Variants in TRPM4 observed in about 807,000 individuals in gnomAD.
TRPM4 encodes the protein transient receptor potential cation channel subfamily M member 4.
Under a neutral mutation model 135.6 loss-of-function variants are expected in TRPM4, and 124 were observed. That is an observed-to-expected ratio of 0.91 (90% CI 0.79 to 1.06). The LOEUF (loss-of-function observed/expected upper bound fraction) is 1.06, where lower values mean the gene tolerates loss of function less well. Ranked by LOEUF, TRPM4 falls within the 50% of genes least tolerant of loss-of-function variation. TRPM4 has a pLI of 0.00. For missense variants in TRPM4, 1,658 were observed against 1,671.4 expected, an observed-to-expected ratio of 0.99 and a Z score of 0.14; for synonymous variants, 745 against 705.6, an observed-to-expected ratio of 1.06 and a Z score of -0.88.
Position 49,211,736 on chromosome 19 carries a change from AT to A in TRPM4, c.*239del, listed in dbSNP as rs1761543554. 1.6e-6 allele frequency: 1 copy of A among 610,306 alleles called. No individual in the cohort carries two copies. Among genetic ancestry groups the A allele is most frequent in the Non-Finnish European group, 2.9e-6 (1 of 344,334 alleles). 37.8% of individuals were successfully genotyped at this position (610,306 alleles called of 1,614,324 possible). A position where few individuals can be genotyped will look rare whatever the true frequency, so the allele number is the denominator to read the frequency against. On this transcript the variant is annotated 3_prime_UTR_variant, in exon 25 of 25. Transcript: ENST00000252826. This position sits in a 1 kb window ranked among gnomAD's most constrained non-coding sequence, Gnocchi z 4.8. ...ATCAAGGCCTGGATCCCGGGCCGTT[AT>A]CCATCTGGAGGCTGCAGGGTCCTTG... is the stretch of plus-strand genomic sequence containing the variant.
chr19:49,188,837 C>A, intron 13 of TRPM4, 67 bp downstream of exon 13: 2 of 1,612,738 alleles, frequency 1.2e-6, no homozygotes, highest in South Asian at 2.2e-5. Flanking sequence ...TGCAACTCCG[C>A]ACTCCTCACA....
intron 17 of TRPM4, among the ~76,000 whole-genome samples, chr19:49,199,258 T>G (rs556509923): frequency 0.067 from 5,409 of 80,662 alleles, 192 homozygotes; most frequent in African/African-American, 0.16. Context: ...TTTTGGTTTT[T>G]GTTTTTGTTT....
At chr19:49,187,085 T>C (rs1462418956) in intron 12 of TRPM4, among the ~76,000 whole-genome samples, 2 of 152,186 alleles carry the variant, frequency 1.3e-5, no homozygotes. Context: ...TGTGTCTTTG[T>C]CTTCAAGGTT....
chr19:49,168,417 C>A lies in TRPM4; in HGVS notation c.606C>A (p.Asn202Lys), dbSNP rs1191716319. 6.2e-7 allele frequency: 1 copy of A among 1,613,884 alleles called. No homozygotes were observed. The highest frequency in any genetic ancestry group is 8.5e-7 in the Non-Finnish European group (1 of 1,180,026). ...GVVRNRDTLINPKGSFPARYR... is the reference protein window; with the variant it reads ...GVVRNRDTLIKPKGSFPARYR... Reference sequence around the variant, plus strand: ...TCCGGAATAGAGACACCCTCATCAACCCCAAGGTGTGACCCAGGGACTTGG... The same window carrying A: ...TCCGGAATAGAGACACCCTCATCAAACCCAAGGTGTGACCCAGGGACTTGG... Residue 202 changes from asparagine (N) to lysine (K), a missense_variant, in exon 5 of 25, where the codon AAC (asparagine) becomes AAA (lysine). Physicochemically the swap from Asn to Lys is moderately conservative, Grantham distance 94 (BLOSUM62 0). Transcript: ENST00000252826.
chr19:49,195,536 A>G (rs889050363), intron 16 of TRPM4, among the ~76,000 whole-genome samples: 1 of 151,920 alleles, frequency 6.6e-6, no homozygotes, highest in Non-Finnish European at 1.5e-5. Context: ...ACGCCAGGCT[A>G]ATTTTGTATT....
chr19:49,182,918 A>AGAGC lies in TRPM4; in HGVS notation c.1606_1608+1dup, dbSNP rs1184634324. 1.9e-5 allele frequency: 30 copies of AGAGC among 1,591,538 alleles called. No homozygotes were observed. The highest frequency in any genetic ancestry group is 3.4e-5 in the Admixed American group (2 of 58,128). On this transcript the variant is annotated frameshift_variant, in exon 11 of 25. Coordinates refer to ENST00000252826, the MANE Select transcript of TRPM4 (RefSeq NM_017636.4). LOFTEE classifies it high-confidence loss of function. Reference sequence around the variant, plus strand: ...CCTCACCCAGGCCAGGGCTTCGGGGAGAGCGTAAGGACCGGGCAAAGCTGG... The same window carrying AGAGC: ...CCTCACCCAGGCCAGGGCTTCGGGGAGAGCGAGCGTAAGGACCGGGCAAAGCTGG...
intron 12 of TRPM4, among the ~76,000 whole-genome samples, chr19:49,186,611 C>T (rs1260500593): frequency 2.0e-5 from 3 of 152,146 alleles, no homozygotes; most frequent in Non-Finnish European, 1.5e-5. Context: ...GTGGCTCACA[C>T]CTGTAATCCC....
rs1374740841 is a variant in TRPM4, at chr19:49,168,177, C to T, written c.448+80C>T. On this transcript the variant is annotated intron_variant, in intron 4 of 24. Coordinates refer to ENST00000252826, the MANE Select transcript of TRPM4 (RefSeq NM_017636.4). Reference sequence around the variant, plus strand: ...CCCCACGACTGTGGGTGGCCTCCCCCGCCGCCCAGTGTGTGTGTGTGTCTC... The same window carrying T: ...CCCCACGACTGTGGGTGGCCTCCCCTGCCGCCCAGTGTGTGTGTGTGTCTC... The T allele has an allele frequency of 2.1e-5, 33 of 1,581,754 alleles. No homozygotes were observed. In the East Asian group the frequency reaches 4.3e-4, roughly 20 times the overall value.
intron 20 of TRPM4, among the ~76,000 whole-genome samples, chr19:49,202,983 C>T (rs552476239): frequency 3.6e-4 from 54 of 151,240 alleles, no homozygotes; most frequent in African/African-American, 1.1e-3. Flanking sequence ...CTCCGCCACC[C>T]GGGTTCACGC....
In TRPM4 at chr19:49,169,139, GC is replaced by G. The variant is rs1967353881; in HGVS notation, c.796+404del. On this transcript the variant is annotated intron_variant, in intron 6 of 24. Coordinates refer to ENST00000252826, the MANE Select transcript of TRPM4 (RefSeq NM_017636.4). Reference sequence around the variant, plus strand: ...TGCTTGAACCCGGGAGGTGGAGGTTGCAGTGAGCCGAGATCAAGCCACTGCA... The same window carrying G: ...TGCTTGAACCCGGGAGGTGGAGGTTGAGTGAGCCGAGATCAAGCCACTGCA... 2.6e-5 allele frequency among the ~76,000 whole-genome samples: 4 copies of G among 151,126 alleles called. No homozygotes were observed. The South Asian group carries it at 8.4e-4, about 32-fold the overall frequency.
At position 49,171,713 on chromosome 19, in the gene TRPM4, C is replaced by T. The variant is rs753753488; in HGVS notation, c.994C>T (p.Arg332Ter). The part of the protein sequence containing the change: ...GSGGARQGEA[R>*]DRIRRFFPKG... ...TGGGGGAGCCAGGCAAGGCGAAGCC[C>T]GAGATCGAATCAGGCGTTTCTTTCC... Residue 332 changes from arginine to a stop codon, truncating the protein, a stop_gained, in exon 8 of 25, where the codon CGA becomes TGA. Transcript: ENST00000252826. LOFTEE classifies it high-confidence loss of function. This position sits in a 1 kb window ranked among gnomAD's most constrained non-coding sequence, Gnocchi z 4.7. The T allele has an allele frequency of 8.7e-6, 14 of 1,613,528 alleles. No individual in the cohort carries two copies. Among genetic ancestry groups the T allele is most frequent in the Admixed American group, 3.3e-5 (2 of 60,000 alleles).
At chr19:49,161,899 G>A (rs1024587518) in intron 2 of TRPM4, among the ~76,000 whole-genome samples, 5 of 152,136 alleles carry the variant, frequency 3.3e-5, no homozygotes, top group Non-Finnish European at 7.4e-5. Context: ...CAACGTGCTG[G>A]GATTACAGGT....
In TRPM4 at chr19:49,210,195, T is replaced by A. The variant is rs1459740864; in HGVS notation, c.3132-14T>A. On this transcript the variant is annotated splice_polypyrimidine_tract_variant and intron_variant, in intron 20 of 24. Coordinates refer to ENST00000252826, the MANE Select transcript of TRPM4 (RefSeq NM_017636.4). The surrounding 1 kb of genome is among the most constrained non-coding windows in gnomAD (Gnocchi z 4.1). ...CCCTGACCTCAAGTGACCTTTGACC[T>A]CTGGCCTTTGCAGTTACACATTCGG... 6.2e-7 allele frequency: 1 copy of A among 1,614,074 alleles called. No individual in the cohort carries two copies. The highest frequency in any genetic ancestry group is 1.1e-5 in the South Asian group (1 of 91,092).
chr19:49,206,108 C>T (rs1259498645), intron 20 of TRPM4, among the ~76,000 whole-genome samples: 1 of 151,446 alleles, frequency 6.6e-6, no homozygotes, highest in East Asian at 2.0e-4. Flanking sequence ...TTACAGGCAC[C>T]TGCCACCACG....
intron 17 of TRPM4, among the ~76,000 whole-genome samples, chr19:49,199,502 G>T (rs1165106857): frequency 6.6e-6 from 1 of 151,902 alleles, no homozygotes; most frequent in Non-Finnish European, 1.5e-5. Flanking sequence ...CCCGTGATCC[G>T]CCCGCCTCGG....
chr19:49,208,298 A>G (rs1969223525), intron 20 of TRPM4, among the ~76,000 whole-genome samples: 1 of 26,490 alleles, frequency 3.8e-5, no homozygotes, highest in South Asian at 2.2e-3. Context: ...GCCCTCCACA[A>G]GAGGTGGTGG....
In TRPM4 at chr19:49,188,813, G is replaced by A. The variant is rs764808696; in HGVS notation, c.1873+43G>A. ...CCTGGGAGCAGGGACGGGGGCTGCC[G>A]CCAGAGGGGGATGTGCAACTCCGCA... On this transcript the variant is annotated intron_variant, in intron 13 of 24. Coordinates refer to ENST00000252826, the MANE Select transcript of TRPM4 (RefSeq NM_017636.4). 10 of 1,612,840 alleles carry A rather than the reference G, an allele frequency of 6.2e-6. 1 individual carries two copies. In the South Asian group the frequency reaches 8.8e-5, roughly 14 times the overall value.
Position 49,167,882 on chromosome 19 carries a change from C to T in TRPM4, c.268-35C>T, listed in dbSNP as rs562901868. 4 of 1,602,970 alleles carry T rather than the reference C, an allele frequency of 2.5e-6. No homozygotes were observed. The African/African-American group carries it at 4.0e-5, about 16-fold the overall frequency. ...TCCCCGTCTCTCTGGGTCTCTGTCC[C>T]CCTCCCTGTGTGCCCCGCTCCCATG... On this transcript the variant is annotated intron_variant, in intron 3 of 24. Transcript: ENST00000252826.
At chr19:49,196,203 T>C (rs1389961934) in intron 16 of TRPM4, among the ~76,000 whole-genome samples, 1 of 152,158 alleles carries the variant, frequency 6.6e-6, no homozygotes, top group Non-Finnish European at 1.5e-5. Context: ...GGTTTTGCCA[T>C]GTTGGCCAGG....
Sources: allele counts gnomAD v4.1 joint callset (sites outside exome capture counted in the v4.1 genomes callset), GRCh38; gene constraint gnomAD v4.1.1; non-coding constraint Gnocchi (gnomAD v3.1); transcripts MANE v1.5; gene names NCBI Gene and HGNC (gene_info 2026-07-23, HGNC 2026-07-21).